The following OTOGL variants were observed in gnomAD, a reference collection of about 807,000 sequenced individuals.
OTOGL encodes otogelin like, also known as otogelin-like protein.
In OTOGL, 285 loss-of-function variants were observed where a neutral mutation model predicts 318.5. The observed-to-expected ratio is 0.89, with a 90% CI of 0.81 to 0.99. The LOEUF (loss-of-function observed/expected upper bound fraction) is 0.99. OTOGL is among the 50% of genes least tolerant of loss of function. The probability of loss-of-function intolerance (pLI) is 0.00; values close to 1 mark genes in which losing one functional copy is unlikely to be tolerated. For synonymous variants in OTOGL, 987 were observed against 936.5 expected, an observed-to-expected ratio of 1.05 and a Z score of -0.99; for missense variants, 2,899 against 2,845.6, an observed-to-expected ratio of 1.02 and a Z score of -0.43.
At chr12:80,244,403 G>A (rs948983944) in intron 11 of OTOGL, among the ~76,000 whole-genome samples, 2 of 144,776 alleles carry the variant, frequency 1.4e-5, no homozygotes, top group African/African-American at 2.6e-5. Flanking sequence ...TCCCACCTAT[G>A]AGTGAGAATA....
intron 46 of OTOGL, among the ~76,000 whole-genome samples, chr12:80,355,416 G>T (rs1393584622): frequency 6.6e-6 from 1 of 151,596 alleles, no homozygotes; most frequent in African/African-American, 2.4e-5. Context: ...TAGAGACAAG[G>T]TCTTACTCTG....
chr12:80,113,532 G>A (rs1486574565), intron 1 of OTOGL, among the ~76,000 whole-genome samples: 2 of 152,092 alleles, frequency 1.3e-5, no homozygotes, highest in African/African-American at 4.8e-5. Flanking sequence ...TCAGAAACAG[G>A]TTGTTCAGTT....
At chr12:80,115,007 C>T (rs1870076059) in intron 1 of OTOGL, among the ~76,000 whole-genome samples, 1 of 151,812 alleles carries the variant, frequency 6.6e-6, no homozygotes, top group South Asian at 2.1e-4. Flanking sequence ...ATTCCTCTAA[C>T]CTTTTATCAA....
chr12:80,190,509 C>T (rs1255015221), intron 1 of OTOGL, among the ~76,000 whole-genome samples: 2 of 152,048 alleles, frequency 1.3e-5, no homozygotes, highest in African/African-American at 4.8e-5. Context: ...GAATCCAGGC[C>T]GGGCGCGGTG....
At chr12:80,155,588 C>G (rs1276996700) in intron 1 of OTOGL, among the ~76,000 whole-genome samples, 2 of 152,150 alleles carry the variant, frequency 1.3e-5, no homozygotes, top group Non-Finnish European at 2.9e-5. Context: ...GGGTATCCAT[C>G]CCCTCAAACA....
At chr12:80,132,904 T>TC (rs1219197701) in intron 1 of OTOGL, 2 of 152,108 alleles carry the variant, frequency 1.3e-5, no homozygotes, top group Non-Finnish European at 2.9e-5. Flanking sequence ...ATGAATGTCT[T>TC]CCCCCATTTT....
intron 1 of OTOGL, among the ~76,000 whole-genome samples, chr12:80,099,998 C>T (rs1194856626): frequency 6.6e-6 from 1 of 152,158 alleles, no homozygotes; most frequent in East Asian, 1.9e-4. Flanking sequence ...AATTCATTAA[C>T]TGAAAGTCAG....
intron 1 of OTOGL, among the ~76,000 whole-genome samples, chr12:80,114,782 G>T (rs1870059687): frequency 6.6e-6 from 1 of 151,876 alleles, no homozygotes; most frequent in Non-Finnish European, 1.5e-5. Context: ...TTTTCACGTA[G>T]TCCCATATTT....
At chr12:80,373,775 G>A (rs1891024139) in intron 57 of OTOGL, among the ~76,000 whole-genome samples, 1 of 151,834 alleles carries the variant, frequency 6.6e-6, no homozygotes, top group Admixed American at 6.6e-5. Context: ...TAAATAATTT[G>A]TCCAAGTCAT....
chr12:80,374,730 C>T (rs1271945813), intron 57 of OTOGL, among the ~76,000 whole-genome samples: 2 of 151,888 alleles, frequency 1.3e-5, no homozygotes, highest in Non-Finnish European at 2.9e-5. Flanking sequence ...AATGTTAAGG[C>T]CCTGGCTTCT....
chr12:80,245,019 T>A (rs888242110), intron 11 of OTOGL, among the ~76,000 whole-genome samples: 6 of 147,858 alleles, frequency 4.1e-5, no homozygotes, highest in African/African-American at 1.6e-4. Context: ...TTTGTTTTTT[T>A]CTTGTAAATT....
chr12:80,285,882 G>T (rs559691572), intron 26 of OTOGL, among the ~76,000 whole-genome samples: 1 of 151,896 alleles, frequency 6.6e-6, no homozygotes, highest in Admixed American at 6.6e-5. Context: ...TTGCCTAATT[G>T]CCCTGGCCAG....
At chr12:80,328,166 A>G (rs1335431803) in intron 35 of OTOGL, among the ~76,000 whole-genome samples, 2 of 151,726 alleles carry the variant, frequency 1.3e-5, no homozygotes, top group African/African-American at 2.4e-5. Flanking sequence ...AAAAATAGAA[A>G]AAATTAGCCA....
chr12:80,360,953 A>G (rs1448405175), intron 52 of OTOGL: 1 of 152,176 alleles, frequency 6.6e-6, no homozygotes, highest in South Asian at 2.1e-4. Context: ...TAATTAACAC[A>G]TGCATTACCT....
intron 28 of OTOGL, among the ~76,000 whole-genome samples, chr12:80,304,407 G>A (rs968951450): frequency 2.0e-5 from 3 of 151,906 alleles, no homozygotes; most frequent in Non-Finnish European, 4.4e-5. Context: ...AAACATTGAT[G>A]TATTTTTTTA....
At chr12:80,165,732 C>T (rs772589954) in intron 1 of OTOGL, among the ~76,000 whole-genome samples, 14 of 152,370 alleles carry the variant, frequency 9.2e-5, no homozygotes, top group Admixed American at 2.0e-4. Context: ...CCTACAGCTA[C>T]AGCTACAGCT....
intron 9 of OTOGL, among the ~76,000 whole-genome samples, chr12:80,234,680 A>G (rs927146197): frequency 2.0e-5 from 3 of 152,302 alleles, no homozygotes; most frequent in African/African-American, 7.2e-5. Context: ...TAAGCCTATA[A>G]TGGGGCTGAA....
intron 1 of OTOGL, among the ~76,000 whole-genome samples, chr12:80,135,013 C>T (rs572803889): frequency 2.6e-5 from 4 of 152,260 alleles, no homozygotes; most frequent in African/African-American, 7.2e-5. Flanking sequence ...ACATGGCTCT[C>T]CCATGAAGAC....
intron 44 of OTOGL, among the ~76,000 whole-genome samples, chr12:80,351,362 C>A (rs1889537394): frequency 6.6e-6 from 1 of 151,958 alleles, no homozygotes; most frequent in Non-Finnish European, 1.5e-5. Flanking sequence ...TGTTGCCAGG[C>A]TGGAGCACAG....
Sources: gnomAD v4.1 joint callset for allele counts (sites outside exome capture counted in the v4.1 genomes callset) on GRCh38, gnomAD v4.1.1 for gene constraint, MANE v1.5 for transcripts, NCBI Gene and HGNC (gene_info 2026-07-23, HGNC 2026-07-21) for gene names.